The following PLCB1 variants were observed in gnomAD, a reference collection of about 807,000 sequenced individuals.
PLCB1 encodes 1-phosphatidylinositol 4,5-bisphosphate phosphodiesterase beta-1.
Under a neutral mutation model 161.8 loss-of-function variants are expected in PLCB1, and 46 were observed. The ratio of observed to expected loss-of-function variants is 0.28; its 90% CI spans 0.22 to 0.36. The LOEUF (loss-of-function observed/expected upper bound fraction) is 0.36, where lower values mean the gene tolerates loss of function less well. Among genes scored for constraint, PLCB1 ranks in the 10% least tolerant of loss-of-function variants. The pLI is 1.00. For synonymous variants in PLCB1, 517 were observed against 503.7 expected, an observed-to-expected ratio of 1.03 and a Z score of -0.35; for missense variants, 1,016 against 1,472.5, an observed-to-expected ratio of 0.69 and a Z score of 5.07.
intron 31 of PLCB1, among the ~76,000 whole-genome samples, chr20:8,822,360 A>G (rs6039290): frequency 0.98 from 149,610 of 152,322 alleles, 73,497 homozygotes; most frequent in East Asian, 1. Context: ...GCATACTAAG[A>G]ATACAGAGTG....
At chr20:8,571,974 C>T (rs1986536039) in intron 3 of PLCB1, among the ~76,000 whole-genome samples, 1 of 152,082 alleles carries the variant, frequency 6.6e-6, no homozygotes, top group African/African-American at 2.4e-5. Context: ...TGCAATCTCT[C>T]TCTTGACTGG....
chr20:8,823,752 A>G (rs1312220329), intron 31 of PLCB1, among the ~76,000 whole-genome samples: 1 of 152,132 alleles, frequency 6.6e-6, no homozygotes. Context: ...TCCTGTTTCC[A>G]TCAGGGAACA....
chr20:8,579,863 G>C (rs1986778994), intron 3 of PLCB1, among the ~76,000 whole-genome samples: 1 of 89,928 alleles, frequency 1.1e-5, no homozygotes. Context: ...GAGACAGAGG[G>C]AGCAAGGGGA....
intron 3 of PLCB1, among the ~76,000 whole-genome samples, chr20:8,507,225 G>C (rs1458667292): frequency 6.6e-6 from 1 of 152,108 alleles, no homozygotes; most frequent in Non-Finnish European, 1.5e-5. Flanking sequence ...ATGGAGGAGG[G>C]GGCATGGGAG....
chr20:8,455,590 G>A (rs1981278957), intron 3 of PLCB1, among the ~76,000 whole-genome samples: 1 of 151,496 alleles, frequency 6.6e-6, no homozygotes, highest in Non-Finnish European at 1.5e-5. Flanking sequence ...ACCGGCACCC[G>A]CCACCACGCC....
intron 3 of PLCB1, among the ~76,000 whole-genome samples, chr20:8,440,866 G>A (rs772826127): frequency 5.1e-4 from 78 of 151,650 alleles, no homozygotes; most frequent in African/African-American, 1.7e-3. Context: ...GATAATTACC[G>A]TGATCTGATC....
chr20:8,413,610 C>A (rs913557384), intron 3 of PLCB1, among the ~76,000 whole-genome samples: 1 of 152,140 alleles, frequency 6.6e-6, no homozygotes, highest in African/African-American at 2.4e-5. Context: ...GAGAACCTTT[C>A]CAGGTATACT....
intron 15 of PLCB1, among the ~76,000 whole-genome samples, chr20:8,723,888 A>C (rs1395088226): frequency 6.6e-6 from 1 of 152,028 alleles, no homozygotes; most frequent in Non-Finnish European, 1.5e-5. Flanking sequence ...GAAGGAAAGC[A>C]GTTGTTTACC....
chr20:8,872,041 G>A (rs1024812892), intron 31 of PLCB1, among the ~76,000 whole-genome samples: 4 of 152,270 alleles, frequency 2.6e-5, no homozygotes, highest in Non-Finnish European at 5.9e-5. Context: ...TGTGGAGAAA[G>A]AATCTTATCT....
At chr20:8,644,909 T>C (rs1258292311) in intron 4 of PLCB1, among the ~76,000 whole-genome samples, 1 of 152,164 alleles carries the variant, frequency 6.6e-6, no homozygotes, top group Admixed American at 6.5e-5. Context: ...GGGAAAAGAT[T>C]GAGAAATCAG....
intron 9 of PLCB1, among the ~76,000 whole-genome samples, chr20:8,663,703 G>C (rs75318029): frequency 0.033 from 5,093 of 152,152 alleles, 122 homozygotes; most frequent in Middle Eastern, 0.065. Context: ...TATTCTCCTG[G>C]GAGTGTGGTT....
chr20:8,168,297 C>T (rs1437217398), intron 2 of PLCB1, among the ~76,000 whole-genome samples: 2 of 152,210 alleles, frequency 1.3e-5, no homozygotes, highest in East Asian at 3.8e-4. Context: ...AAAGTAATTT[C>T]TTCTTCAAAT....
chr20:8,217,399 G>T (rs1326949948), intron 2 of PLCB1, among the ~76,000 whole-genome samples: 1 of 152,060 alleles, frequency 6.6e-6, no homozygotes, highest in Non-Finnish European at 1.5e-5. Context: ...GAATGAAGAA[G>T]AAAGAAAAGA....
At chr20:8,539,637 T>TTTCTTTCTTTCTTTCTTTCC (rs1985207411) in intron 3 of PLCB1, among the ~76,000 whole-genome samples, 4 of 91,108 alleles carry the variant, frequency 4.4e-5, no homozygotes, top group South Asian at 4.2e-4. Flanking sequence ...TCTTTCTTTC[T>TTTCTTTCTTTCTTTCTTTCC]TTCTTTCTTT....
At chr20:8,718,017 C>T (rs902776209) in intron 14 of PLCB1, among the ~76,000 whole-genome samples, 169 bp downstream of exon 14, 3 of 152,062 alleles carry the variant, frequency 2.0e-5, no homozygotes, top group East Asian at 1.9e-4. Context: ...GGTGAAACCC[C>T]GTGTCTTTGG....
intron 3 of PLCB1, among the ~76,000 whole-genome samples, chr20:8,448,588 G>T (rs908624187): frequency 3.9e-5 from 6 of 152,112 alleles, no homozygotes; most frequent in African/African-American, 1.4e-4. Flanking sequence ...CCAACACCAG[G>T]GTTCCTTTTG....
chr20:8,307,964 T>G (rs1261924587), intron 2 of PLCB1, among the ~76,000 whole-genome samples: 1 of 151,932 alleles, frequency 6.6e-6, no homozygotes, highest in Non-Finnish European at 1.5e-5. Context: ...CACCTATACT[T>G]GACTTGTGGC....
intron 31 of PLCB1, among the ~76,000 whole-genome samples, chr20:8,868,970 C>T (rs1031072821): frequency 4.6e-5 from 7 of 152,116 alleles, no homozygotes; most frequent in African/African-American, 9.7e-5. Context: ...CTTGATTCTG[C>T]GCTGAACCAC....
intron 3 of PLCB1, among the ~76,000 whole-genome samples, chr20:8,467,636 C>A (rs1048440160): frequency 3.3e-5 from 5 of 152,274 alleles, no homozygotes; most frequent in African/African-American, 1.2e-4. Context: ...TGAGTTCCTT[C>A]CCTTTTCACC....
Sources: allele counts gnomAD v4.1 joint callset (sites outside exome capture counted in the v4.1 genomes callset), GRCh38; gene constraint gnomAD v4.1.1; transcripts MANE v1.5; gene names NCBI Gene and HGNC (gene_info 2026-07-23, HGNC 2026-07-21).